The following SPATA22 variants were observed in gnomAD, a reference collection of about 807,000 sequenced individuals.
SPATA22 encodes spermatogenesis-associated protein 22.
Under a neutral mutation model 47.8 loss-of-function variants are expected in SPATA22, and 29 were observed. The ratio of observed to expected loss-of-function variants is 0.61; its 90% CI spans 0.45 to 0.83. The LOEUF is 0.83. Ranked by LOEUF, SPATA22 falls within the 40% of genes least tolerant of loss-of-function variation. The pLI is 0.00. For synonymous variants in SPATA22, 133 were observed against 140.9 expected, an observed-to-expected ratio of 0.94 and a Z score of 0.40; for missense variants, 410 against 421.7, an observed-to-expected ratio of 0.97 and a Z score of 0.24.
At chr17:3,504,787 G>A (rs1044726443) in intron 1 of SPATA22, among the ~76,000 whole-genome samples, 20 of 152,094 alleles carry the variant, frequency 1.3e-4, no homozygotes, top group African/African-American at 3.9e-4. Flanking sequence ...TCGAACCCCC[G>A]AACTCAGATG....
rs1555537520 is a variant in SPATA22 at position 3,471,524 on chromosome 17, A to ACACACACACACCACC, written c.-74+157_-74+158insGGTGGTGTGTGTGTG. 6.3e-4 allele frequency: 619 copies of ACACACACACACCACC among 985,050 alleles called. 2 individuals are homozygous for ACACACACACACCACC. The African/African-American group carries it at 0.01, about 16-fold the overall frequency. The allele number at this position is 985,050 out of a possible 1,614,324, so 61.0% of individuals were successfully genotyped here. ...AAGTGTGCTCAATCTGCACGCACACACACACACACCACCCACAAAAACCAC... is the reference window on the plus strand; with the variant it reads ...AAGTGTGCTCAATCTGCACGCACACACACACACACACCACCCACACACACCACCCACAAAAACCAC... On this transcript the variant is annotated intron_variant, in intron 1 of 8. Transcript: ENST00000572969.
chr17:3,469,775 G>A (rs1444097090), intron 1 of SPATA22, among the ~76,000 whole-genome samples: 1 of 152,092 alleles, frequency 6.6e-6, no homozygotes, highest in Admixed American at 6.5e-5. Context: ...TTTAGCCACC[G>A]GGAACTTCCT....
chr17:3,450,670 A>AT (rs1233604073), intron 5 of SPATA22, among the ~76,000 whole-genome samples: 4 of 152,078 alleles, frequency 2.6e-5, no homozygotes, highest in African/African-American at 9.7e-5. Flanking sequence ...CAGAAACACA[A>AT]TTTTGTCTTT....
chr17:3,453,587 C>T (rs537305335), intron 5 of SPATA22, among the ~76,000 whole-genome samples: 3 of 152,106 alleles, frequency 2.0e-5, no homozygotes, highest in African/African-American at 4.8e-5. Context: ...TCCAGTACGA[C>T]GCAAGGATGC....
intron 6 of SPATA22, 70 bp downstream of exon 6, chr17:3,448,737 A>C (rs934508058): frequency 5.3e-6 from 6 of 1,130,350 alleles, no homozygotes; most frequent in Non-Finnish European, 7.5e-6. Flanking sequence ...TTATCTCTGT[A>C]GTTTTCTAAA....
chr17:3,455,766 C>T (rs1322343812), intron 5 of SPATA22, among the ~76,000 whole-genome samples: 1 of 148,234 alleles, frequency 6.7e-6, no homozygotes, highest in Non-Finnish European at 1.5e-5. Flanking sequence ...TTAGGATTGA[C>T]TTGGCGATGC....
At chr17:3,451,353 T>C (rs2072855404) in intron 5 of SPATA22, among the ~76,000 whole-genome samples, 2 of 151,494 alleles carry the variant, frequency 1.3e-5, no homozygotes, top group Non-Finnish European at 1.5e-5. Context: ...GACAGCAACA[T>C]AATAAAAAAA....
rs567459028 is a variant in SPATA22 at position 3,449,196 on chromosome 17, A to G, written c.330-47T>C. 1,465 of 1,343,704 alleles carry G rather than the reference A, an allele frequency of 1.1e-3. 3 individuals carry two copies. Among genetic ancestry groups the G allele is most frequent in the Non-Finnish European group, 1.3e-3 (1,301 of 992,516 alleles). 83.2% of individuals were successfully genotyped at this position (1,343,704 alleles called of 1,614,324 possible). A position where few individuals can be genotyped will look rare whatever the true frequency, so the allele number is the denominator to read the frequency against. On this transcript the variant is annotated intron_variant, in intron 5 of 8. Coordinates refer to ENST00000572969, the MANE Select transcript of SPATA22 (RefSeq NM_001170698.2). ...GCATTTGTTTCTATATGGTTTCTTA[A>G]TTACAAAAAAAATTAATAATGAAAA...
At chr17:3,496,715 A>C (rs1049889912) in intron 1 of SPATA22, among the ~76,000 whole-genome samples, 1 of 152,220 alleles carries the variant, frequency 6.6e-6, no homozygotes, top group African/African-American at 2.4e-5. Flanking sequence ...ACCACAAACT[A>C]CTAAAGTAGC....
chr17:3,478,939 C>T (rs1222443857), intron 1 of SPATA22, among the ~76,000 whole-genome samples: 1 of 152,144 alleles, frequency 6.6e-6, no homozygotes, highest in Non-Finnish European at 1.5e-5. Flanking sequence ...TCCAGCCTTC[C>T]TCTCCAGTTT....
intron 2 of SPATA22, 129 bp downstream of exon 2, chr17:3,469,154 G>A (rs890211677): frequency 3.4e-5 from 17 of 493,732 alleles, no homozygotes; most frequent in Non-Finnish European, 5.6e-5. Flanking sequence ...TACTTCCTTG[G>A]ACCTAAAAAG....
chr17:3,447,448 G>A (rs1597388372), intron 6 of SPATA22, among the ~76,000 whole-genome samples: 1 of 98,666 alleles, frequency 1.0e-5, no homozygotes, highest in East Asian at 2.4e-4. Context: ...CATGCCTCCT[G>A]TTGATGATGG....
intron 5 of SPATA22, among the ~76,000 whole-genome samples, chr17:3,457,785 C>T (rs12939738): frequency 0.23 from 35,503 of 151,978 alleles, 4,396 homozygotes; most frequent in East Asian, 0.42. Context: ...AATAATGGAA[C>T]TGAACTCTCA....
intron 5 of SPATA22, among the ~76,000 whole-genome samples, chr17:3,458,603 G>A (rs1168146961): frequency 6.6e-6 from 1 of 152,110 alleles, no homozygotes; most frequent in African/African-American, 2.4e-5. Flanking sequence ...AGCACTTTGG[G>A]AGGCTGAGGC....
intron 1 of SPATA22, among the ~76,000 whole-genome samples, chr17:3,482,740 C>A (rs2073652234): frequency 6.6e-6 from 1 of 151,322 alleles, no homozygotes; most frequent in Admixed American, 6.6e-5. Context: ...GGGTAGTGGT[C>A]CTGGTAGGAG....
rs529466257 is a variant in SPATA22 at position 3,498,668 on chromosome 17, G to A, written c.-74+14744C>T. Among the ~76,000 whole-genome samples the A allele has an allele frequency of 9.7e-4, 147 of 152,240 alleles. 2 individuals carry two copies. The highest frequency in any genetic ancestry group is 2.1e-4 in the South Asian group (1 of 4,826). The stretch of plus-strand genomic sequence containing the variant: ...TGGCTGAAGCAAATGTTAATTACAC[G>A]TTTCAATTATACAAATGCAAAGGGG... On this transcript the variant is annotated intron_variant, in intron 1 of 8. Transcript: ENST00000541913.
intron 1 of SPATA22, among the ~76,000 whole-genome samples, chr17:3,493,623 C>G (rs1347266518): frequency 6.7e-6 from 1 of 149,344 alleles, no homozygotes; most frequent in African/African-American, 2.5e-5. Context: ...ACCTCAGTTG[C>G]TGGAACTCCT....
rs570074828 is a variant in SPATA22 at position 3,465,046 on chromosome 17, C to T, written c.173-2279G>A. ...GGGGTCAGCCCCCAGCCCGGCCAGC[C>T]GCCCCGTCCGGGAGGGAGGTGGGGG... On this transcript the variant is annotated intron_variant, in intron 3 of 8. Coordinates refer to ENST00000572969, the MANE Select transcript of SPATA22 (RefSeq NM_001170698.2). Among the ~76,000 whole-genome samples the T allele has an allele frequency of 5.2e-5, 7 of 135,618 alleles. 1 individual carries two copies. The highest frequency in any genetic ancestry group is 2.5e-4 in the South Asian group (1 of 4,056). 89.0% of individuals were successfully genotyped at this position (135,618 alleles called of 152,430 possible). A position where few individuals can be genotyped will look rare whatever the true frequency, so the allele number is the denominator to read the frequency against.
chr17:3,492,033 C>G (rs2073835244), intron 1 of SPATA22, among the ~76,000 whole-genome samples: 1 of 152,034 alleles, frequency 6.6e-6, no homozygotes, highest in Non-Finnish European at 1.5e-5. Context: ...TGCACCACCA[C>G]ACCTGGCTAA....
Sources: allele counts gnomAD v4.1 joint callset (sites outside exome capture counted in the v4.1 genomes callset), GRCh38; gene constraint gnomAD v4.1.1; transcripts MANE v1.5; gene names NCBI Gene and HGNC (gene_info 2026-07-23, HGNC 2026-07-21).